JSRP1: variants seen among roughly 807,000 people sequenced by gnomAD.
The protein encoded by JSRP1 is junctional sarcoplasmic reticulum protein 1.
Under a neutral mutation model 21.4 loss-of-function variants are expected in JSRP1, and 29 were observed. The ratio of observed to expected loss-of-function variants is 1.36; its 90% CI spans 1.01 to 1.85. JSRP1 has a LOEUF of 1.85. Ranked by LOEUF, JSRP1 falls within the 40% of genes most tolerant of loss-of-function variation. The pLI is 0.00. For synonymous variants in JSRP1, 221 were observed against 206.1 expected (o/e 1.07, Z -0.62); for missense variants, 531 against 461.5 (o/e 1.15, Z -1.38).
At chr19:2,254,865 A>G (rs979361598) in intron 2 of JSRP1, among the ~76,000 whole-genome samples, 19 of 152,124 alleles carry the variant, frequency 1.2e-4, no homozygotes, top group Non-Finnish European at 2.5e-4. Flanking sequence ...GTACTCCAGC[A>G]TGGAAGACAG....
In JSRP1 at chr19:2,252,565, CCTCCTTCCGCGGCTT is replaced by C. The variant is rs750106963; in HGVS notation, c.745_759del (p.Lys249_Glu253del). ...CGCGGCCTCTCTTTCTTAGGTCTCTCCTCCTTCCGCGGCTTCTCCTTCCGCGGCTTCCCCTCTCTC... is the reference window on the plus strand; with the variant it reads ...CGCGGCCTCTCTTTCTTAGGTCTCTCCTCCTTCCGCGGCTTCCCCTCTCTC... On this transcript the variant is annotated inframe_deletion, in exon 7 of 7. Transcript: ENST00000300961. The C allele has an allele frequency of 8.1e-5, 130 of 1,612,894 alleles. No homozygotes were observed. Among genetic ancestry groups the C allele is most frequent in the African/African-American group, 5.2e-4 (39 of 75,040 alleles).
In JSRP1 at chr19:2,255,070, A is replaced by T. The variant is rs954743924; in HGVS notation, c.109+136T>A. 3 of 517,320 alleles carry T rather than the reference A, an allele frequency of 5.8e-6. No individual in the cohort carries two copies. In the African/African-American group the frequency reaches 6.2e-5, roughly 11 times the overall value. The allele number at this position is 517,320 out of a possible 1,614,324, so 32.0% of individuals were successfully genotyped here. A position where few individuals can be genotyped will look rare whatever the true frequency, so the allele number is the denominator to read the frequency against. The stretch of plus-strand genomic sequence containing the variant: ...GACCCCTGAGGCAGAAATGAGGGCC[A>T]GGGGTTGAACATGGGGAGCACACTA... On this transcript the variant is annotated intron_variant, in intron 2 of 6. Transcript: ENST00000300961.
chr19:2,252,728 G>A lies in JSRP1; in HGVS notation c.597C>T (p.Pro199=), dbSNP rs1261347917. Reference sequence around the variant, plus strand: ...CAGCCTCCCGACTCCCGGGAATCTTGGGTCTGACCTCTGCCTCGGCCCGGG... The same window carrying A: ...CAGCCTCCCGACTCCCGGGAATCTTAGGTCTGACCTCTGCCTCGGCCCGGG... ...PAPRAEAEVR[P]KIPGSREAAE... is the part of the protein sequence containing the mutation. Residue 199 remains proline, a synonymous_variant, in exon 7 of 7, where the codon CCC becomes CCT. Transcript: ENST00000300961. 6.2e-7 allele frequency: 1 copy of A among 1,612,544 alleles called. No individual in the cohort carries two copies.
In JSRP1 at chr19:2,255,292, C is replaced by T. The variant is rs773313541; in HGVS notation, c.23G>A (p.Trp8Ter). Residue 8 changes from tryptophan to a stop codon, truncating the protein, a stop_gained, in exon 2 of 7, where the codon TGG becomes TAG. Transcript: ENST00000300961. LOFTEE classifies it high-confidence loss of function. MSMTTRA[W>*]EELDGGLGSC... Reference sequence around the variant, plus strand: ...GCCCAGGCCGCCATCCAGCTCCTCCCAGGCTCTGGTTGTCATGGACATGGC... The same window carrying T: ...GCCCAGGCCGCCATCCAGCTCCTCCTAGGCTCTGGTTGTCATGGACATGGC... The T allele has an allele frequency of 3.7e-6, 6 of 1,611,046 alleles. No individual in the cohort carries two copies. The highest frequency in any genetic ancestry group is 2.5e-6 in the Non-Finnish European group (3 of 1,178,852).
In JSRP1 at chr19:2,252,668, G is replaced by C; in HGVS notation, c.657C>G (p.Thr219=). The stretch of plus-strand genomic sequence containing the variant: ...CACGGTCCTCCCGGACGGCCTCTCC[G>C]GTGGCCTCGCCGGGCTCCTCTTCGT... ...ENDEEEPGEA[T]GEAVREDRVT... is the part of the protein sequence containing the mutation. Residue 219 remains threonine, a synonymous_variant, in exon 7 of 7, where the codon ACC becomes ACG. Transcript: ENST00000300961. 1 of 1,612,130 alleles carries C rather than the reference G, an allele frequency of 6.2e-7. No individual in the cohort carries two copies. The highest frequency in any genetic ancestry group is 8.5e-7 in the Non-Finnish European group (1 of 1,179,938).
In JSRP1 at chr19:2,252,886, C is replaced by T. The variant is rs201438553; in HGVS notation, c.528+26G>A. ...CCTTGGGGATGAAGGTCCCAATGCC[C>T]GCGGTCAGTGGAAGGAAGCTCTTAC... On this transcript the variant is annotated intron_variant, in intron 6 of 6. Coordinates refer to ENST00000300961, the MANE Select transcript of JSRP1 (RefSeq NM_144616.4). 854 of 1,603,084 alleles carry T rather than the reference C, an allele frequency of 5.3e-4. 1 individual carries two copies. The highest frequency in any genetic ancestry group is 6.7e-4 in the Non-Finnish European group (791 of 1,173,898).
Position 2,252,277 on chromosome 19 carries a change from C to T in JSRP1, c.*52G>A. 1 of 1,392,108 alleles carries T rather than the reference C, an allele frequency of 7.2e-7. No individual in the cohort carries two copies. The highest frequency in any genetic ancestry group is 9.4e-7 in the Non-Finnish European group (1 of 1,060,060). The allele number at this position is 1,392,108 out of a possible 1,614,324, so 86.2% of individuals were successfully genotyped here. ...GGCCGCAGCACTCGCTTTATTTCGCCAGAGTCGCGGGGCGTCCAGAAGGGG... is the reference window on the plus strand; with the variant it reads ...GGCCGCAGCACTCGCTTTATTTCGCTAGAGTCGCGGGGCGTCCAGAAGGGG... On this transcript the variant is annotated 3_prime_UTR_variant, in exon 7 of 7. Coordinates refer to ENST00000300961, the MANE Select transcript of JSRP1 (RefSeq NM_144616.4).
At chr19:2,253,941 G>A (rs1219493654) in intron 4 of JSRP1, 148 bp from the exon 5 acceptor site, 2 of 970,204 alleles carry the variant, frequency 2.1e-6, no homozygotes, top group Non-Finnish European at 2.8e-6. Context: ...ACCCAGCCCC[G>A]GGTGCCCCGC....
At chr19:2,255,374 T>A (rs749360767) in intron 1 of JSRP1, 30 bp from the exon 2 acceptor site, 1 of 1,122,728 alleles carries the variant, frequency 8.9e-7, no homozygotes, top group Non-Finnish European at 1.3e-6. Context: ...AGGTCTTGCA[T>A]TTACTGAGTC....
chr19:2,253,891 G>A lies in JSRP1; in HGVS notation c.263-98C>T, dbSNP rs1599142666. 19 of 1,277,004 alleles carry A rather than the reference G, an allele frequency of 1.5e-5. No individual in the cohort carries two copies. In the East Asian group the frequency reaches 5.1e-4, roughly 34 times the overall value. The allele number at this position is 1,277,004 out of a possible 1,614,324, so 79.1% of individuals were successfully genotyped here. On this transcript the variant is annotated intron_variant, in intron 4 of 6. Coordinates refer to ENST00000300961, the MANE Select transcript of JSRP1 (RefSeq NM_144616.4). ...AGAGACAGGCCTGTGCCCTGAACCCGGCTCTCTCTGCCTGCCTGTGCGGCC... is the reference window on the plus strand; with the variant it reads ...AGAGACAGGCCTGTGCCCTGAACCCAGCTCTCTCTGCCTGCCTGTGCGGCC...
rs1281463551 is a variant in JSRP1, at chr19:2,254,229, C to G, written c.220G>C (p.Gly74Arg). 1 of 1,606,522 alleles carries G rather than the reference C, an allele frequency of 6.2e-7. No individual in the cohort carries two copies. The highest frequency in any genetic ancestry group is 1.7e-5 in the Admixed American group (1 of 58,672). Reference protein sequence around the residue: ...KKMEKEPAARGTPGTGKERLK... With the variant: ...KKMEKEPAARRTPGTGKERLK... The stretch of plus-strand genomic sequence containing the variant: ...CTCTCCTTCCCCGTTCCTGGGGTCC[C>G]CCTGGCGGCAGGCTCTTTTTCCATC... The change falls in exon 4 of 7, where the codon GGG becomes CGG. Residue 74 changes from glycine (G) to arginine (R), a missense_variant. Transcript: ENST00000300961.
intron 5 of JSRP1, among the ~76,000 whole-genome samples, chr19:2,253,415 C>A (rs1206754614): frequency 2.0e-5 from 3 of 152,216 alleles, no homozygotes; most frequent in Non-Finnish European, 4.4e-5. Flanking sequence ...GAATGGGCCC[C>A]GCAAAAGGTC....
At chr19:2,253,194 C>T (rs1380256897) in intron 5 of JSRP1, among the ~76,000 whole-genome samples, 191 bp from the exon 6 acceptor site, 16 of 152,212 alleles carry the variant, frequency 1.1e-4, no homozygotes, top group Non-Finnish European at 1.0e-4. Context: ...GCCCCTTCTC[C>T]GAACCTCGCT....
intron 5 of JSRP1, among the ~76,000 whole-genome samples, chr19:2,253,263 G>T (rs573662904): frequency 2.0e-5 from 3 of 152,238 alleles, no homozygotes; most frequent in African/African-American, 4.8e-5. Context: ...TAGCAAGGGA[G>T]GGGTCGCAGG....
chr19:2,254,721 TAA>T (rs35839566), intron 2 of JSRP1, among the ~76,000 whole-genome samples: 18,366 of 114,870 alleles, frequency 0.16, 2,858 homozygotes, highest in African/African-American at 0.41. Flanking sequence ...ACCCCATCTC[TAA>T]AAAAAAAAAA....
intron 4 of JSRP1, 104 bp downstream of exon 4, chr19:2,254,083 A>G (rs2025111680): frequency 2.2e-5 from 20 of 925,964 alleles, no homozygotes; most frequent in Non-Finnish European, 3.1e-5. Flanking sequence ...ACGCCACTCA[A>G]CCAGGACACC....
At chr19:2,256,098 G>A (rs547317014) in intron 1 of JSRP1, among the ~76,000 whole-genome samples, 1 of 152,274 alleles carries the variant, frequency 6.6e-6, no homozygotes, top group Admixed American at 6.5e-5. Flanking sequence ...TACTCTTCAG[G>A]GTCCCCATGG....
Position 2,252,320 on chromosome 19 carries a change from G to C in JSRP1, c.*9C>G, listed in dbSNP as rs771481325. 2.3e-5 allele frequency: 33 copies of C among 1,454,220 alleles called. No homozygotes were observed. Among genetic ancestry groups the C allele is most frequent in the Non-Finnish European group, 2.5e-5 (28 of 1,109,488 alleles). The allele number at this position is 1,454,220 out of a possible 1,614,324, so 90.1% of individuals were successfully genotyped here. ...AGAAGGGGCCCCTGGACTCCGGCGC[G>C]GGGCCGGCTCAGTCCCGCCCCTTGC... is the stretch of plus-strand genomic sequence containing the variant. On this transcript the variant is annotated 3_prime_UTR_variant, in exon 7 of 7. Transcript: ENST00000300961.
At position 2,252,375 on chromosome 19, in the gene JSRP1, C is replaced by T; in HGVS notation, c.950G>A (p.Arg317Gln). Residue 317 changes from arginine (R) to glutamine (Q), a missense_variant, in exon 7 of 7, where the codon CGG (arginine) becomes CAG (glutamine). Transcript: ENST00000300961. ...GCGGAGCTTCTGGCGACTCCCAGGC[C>T]GCTGCTCCTCGTCGGGACGCCTCGG... ...VSPRRPDEEQ[R>Q]PGSRQKLRAG... is the part of the protein sequence containing the mutation. 2 of 1,577,834 alleles carry T rather than the reference C, an allele frequency of 1.3e-6. No individual in the cohort carries two copies. The highest frequency in any genetic ancestry group is 1.7e-6 in the Non-Finnish European group (2 of 1,164,972).
Sources: allele counts gnomAD v4.1 joint callset (sites outside exome capture counted in the v4.1 genomes callset), GRCh38; gene constraint gnomAD v4.1.1; transcripts MANE v1.5; gene names NCBI Gene and HGNC (gene_info 2026-07-23, HGNC 2026-07-21).